The following KANSL1 variants were observed in gnomAD, a reference collection of about 807,000 sequenced individuals.
KANSL1 encodes MLL1/MLL complex subunit KANSL1.
A neutral mutation model predicts 103.6 loss-of-function variants in KANSL1; 22 were observed. The ratio of observed to expected loss-of-function variants is 0.21; its 90% CI spans 0.15 to 0.30. KANSL1 has a LOEUF of 0.30. KANSL1 is among the 10% of genes least tolerant of loss of function. The pLI is 1.00. For synonymous variants in KANSL1, 600 were observed against 527.6 expected, an observed-to-expected ratio of 1.14 and a Z score of -1.88; for missense variants, 1,337 against 1,399.8, an observed-to-expected ratio of 0.96 and a Z score of 0.72.
intron 2 of KANSL1, among the ~76,000 whole-genome samples, chr17:46,108,679 G>C (rs1342810047): frequency 1.3e-5 from 2 of 152,194 alleles, no homozygotes; most frequent in Non-Finnish European, 2.9e-5. Flanking sequence ...GGAAGAGAGA[G>C]GGAATGAGGG....
At chr17:46,094,056 GTT>G (rs1483691495) in intron 3 of KANSL1, 1 of 153,594 alleles carries the variant, frequency 6.5e-6, no homozygotes, top group Non-Finnish European at 1.4e-5. Context: ...TACCCACACA[GTT>G]TTGTTCTAAA....
chr17:46,161,250 TAAAAAAA>T (rs534754110), intron 2 of KANSL1, among the ~76,000 whole-genome samples: 3,085 of 79,372 alleles, frequency 0.039, 147 homozygotes, highest in African/African-American at 0.16. Context: ...CCACCTCTAC[TAAAAAAA>T]AAAAAAAAAA....
intron 7 of KANSL1, chr17:46,050,015 A>G (rs2077657746): frequency 6.5e-6 from 1 of 153,378 alleles, no homozygotes; most frequent in African/African-American, 2.4e-5. Context: ...TCCCAGGTTC[A>G]AGCAATTCTC....
chr17:46,114,872 A>G (rs773961648), intron 2 of KANSL1, among the ~76,000 whole-genome samples: 1 of 152,230 alleles, frequency 6.6e-6, no homozygotes, highest in East Asian at 1.9e-4. Flanking sequence ...GTTATGAATT[A>G]TATCACACGG....
chr17:46,220,309 C>T (rs536507629), intron 1 of KANSL1, among the ~76,000 whole-genome samples: 38 of 151,750 alleles, frequency 2.5e-4, no homozygotes, highest in Non-Finnish European at 5.3e-4. Flanking sequence ...CTCCGCCTCC[C>T]GGGTTCACGC....
Position 46,034,244 on chromosome 17 carries a change from A to G in KANSL1, c.2583T>C (p.Asp861=). 1 of 1,614,060 alleles carries G rather than the reference A, an allele frequency of 6.2e-7. No individual in the cohort carries two copies. The highest frequency in any genetic ancestry group is 8.5e-7 in the Non-Finnish European group (1 of 1,179,960). The change falls in exon 11 of 15, where the codon GAT becomes GAC. Residue 861 remains aspartate (D), a synonymous_variant. Transcript: ENST00000432791. ...ACATTGGGATGACAATGTTGTTAAT[A>G]TCAAATGAGCTCTCTCCCCTTCTCC... ...VRRRRGESSF[D]INNIVIPMSV...
intron 6 of KANSL1, among the ~76,000 whole-genome samples, chr17:46,064,976 T>G (rs143620378): frequency 2.0e-5 from 3 of 152,070 alleles, no homozygotes; most frequent in Non-Finnish European, 2.9e-5. Context: ...TTGTTTGTTT[T>G]TTTGTTTTTT....
At chr17:46,043,377 G>A (rs1037356072) in intron 7 of KANSL1, 6 of 152,152 alleles carry the variant, frequency 3.9e-5, no homozygotes, top group Admixed American at 6.5e-5. Context: ...AAACAAGTAG[G>A]CCTGGATTCA....
chr17:46,215,848 C>G (rs1350551299), intron 1 of KANSL1, among the ~76,000 whole-genome samples: 1 of 151,282 alleles, frequency 6.6e-6, no homozygotes, highest in Non-Finnish European at 1.5e-5. Flanking sequence ...CAAGCCCAGC[C>G]TGGCCAACAT....
intron 3 of KANSL1, among the ~76,000 whole-genome samples, chr17:46,092,220 A>C (rs557082685): frequency 1.9e-4 from 29 of 152,358 alleles, no homozygotes; most frequent in African/African-American, 6.5e-4. Flanking sequence ...CCTTTTGTTA[A>C]GCAATGTGTG....
chr17:46,035,531 T>C (rs761802332), intron 10 of KANSL1: 30 of 152,220 alleles, frequency 2.0e-4, no homozygotes, highest in Non-Finnish European at 3.8e-4. Context: ...ATGACTGCCA[T>C]TGACCTCAGA....
chr17:46,043,753 C>T (rs945128661), intron 7 of KANSL1: 3 of 152,176 alleles, frequency 2.0e-5, no homozygotes, highest in African/African-American at 7.2e-5. Flanking sequence ...TAAACCCTTC[C>T]CCTCAACTAA....
At chr17:46,050,901 C>T (rs1440002076) in intron 6 of KANSL1, among the ~76,000 whole-genome samples, 197 bp from the exon 7 acceptor site, 1 of 152,190 alleles carries the variant, frequency 6.6e-6, no homozygotes. Flanking sequence ...ACACACTGAC[C>T]TTCAAAGTGG....
At chr17:46,115,205 G>A (rs923375384) in intron 2 of KANSL1, among the ~76,000 whole-genome samples, 3 of 151,846 alleles carry the variant, frequency 2.0e-5, no homozygotes, top group Admixed American at 1.3e-4. Context: ...GATTACACGC[G>A]CCTGCCACCA....
chr17:46,044,789 C>G (rs1262082647), intron 7 of KANSL1: 1 of 152,148 alleles, frequency 6.6e-6, no homozygotes, highest in Non-Finnish European at 1.5e-5. Flanking sequence ...GAGGTACAGT[C>G]AAGGTGCGAG....
intron 2 of KANSL1, among the ~76,000 whole-genome samples, chr17:46,134,318 A>C (rs1468203793): frequency 6.6e-6 from 1 of 152,080 alleles, no homozygotes; most frequent in Non-Finnish European, 1.5e-5. Context: ...AATCGCTTGG[A>C]CCCTGGAGGT....
intron 2 of KANSL1, among the ~76,000 whole-genome samples, chr17:46,133,984 T>C (rs536150561): frequency 4.0e-5 from 6 of 151,816 alleles, no homozygotes; most frequent in Admixed American, 6.6e-5. Flanking sequence ...GGAATGGGAG[T>C]GACCAGACAG....
At chr17:46,205,680 C>CAAAAA (rs56154541) in intron 1 of KANSL1, among the ~76,000 whole-genome samples, 32 of 93,080 alleles carry the variant, frequency 3.4e-4, no homozygotes, top group South Asian at 7.7e-4. Flanking sequence ...GACACTGTCT[C>CAAAAA]AAAAAAAAAA....
chr17:46,068,456 A>G (rs1207628077), intron 4 of KANSL1, among the ~76,000 whole-genome samples: 12 of 152,068 alleles, frequency 7.9e-5, no homozygotes, highest in Non-Finnish European at 2.9e-5. Context: ...AGTCCCAGCT[A>G]CTCAGGAGGC....
Sources: allele counts gnomAD v4.1 joint callset (sites outside exome capture counted in the v4.1 genomes callset), GRCh38; gene constraint gnomAD v4.1.1; transcripts MANE v1.5; gene names NCBI Gene and HGNC (gene_info 2026-07-23, HGNC 2026-07-21).